Variants in DOT1L observed in about 807,000 individuals in gnomAD.
DOT1L encodes the protein histone-lysine N-methyltransferase, H3 lysine-79 specific.
In DOT1L, 33 loss-of-function variants were observed where a neutral mutation model predicts 153.3. The ratio of observed to expected loss-of-function variants is 0.22; its 90% confidence interval spans 0.16 to 0.29. The LOEUF (loss-of-function observed/expected upper bound fraction) is 0.29. Ranked by LOEUF, DOT1L falls within the 10% of genes least tolerant of loss-of-function variation. The pLI is 1.00. For missense variants in DOT1L, 1,847 were observed against 2,119.9 expected (o/e 0.87, Z 2.53); for synonymous variants, 1,135 against 965.1 (o/e 1.18, Z -3.26).
At position 2,180,636 on chromosome 19, in the gene DOT1L, C is replaced by T. The variant is rs1039678219; in HGVS notation, c.82-77C>T. On this transcript the variant is annotated intron_variant, in intron 1 of 27. Transcript: ENST00000398665. ...TGAAGAGATGGGAAGTTGACGGCAT[C>T]GCTTGTCCGGGAAGAGAGCGATGGG... 29 of 1,565,480 alleles carry T rather than the reference C, an allele frequency of 1.9e-5. No homozygotes were observed. The East Asian group carries it at 2.9e-4, about 16-fold the overall frequency.
At chr19:2,194,723 G>A (rs919369735) in intron 7 of DOT1L, 146 bp downstream of exon 7, 4 of 859,480 alleles carry the variant, frequency 4.7e-6, no homozygotes, top group Non-Finnish European at 7.0e-6. Flanking sequence ...TTCTCGTAGG[G>A]CTGCCTGGGC....
chr19:2,227,908 C>A (rs995834299), intron 27 of DOT1L: 13 of 1,201,730 alleles, frequency 1.1e-5, no homozygotes, highest in African/African-American at 1.7e-5. Flanking sequence ...CGGCCGCCCC[C>A]TCCGCCTCCG....
At position 2,220,371 on chromosome 19, in the gene DOT1L, C is replaced by A; in HGVS notation, c.2806+149C>A. On this transcript the variant is annotated intron_variant, in intron 23 of 27. Coordinates refer to ENST00000398665, the MANE Select transcript of DOT1L (RefSeq NM_032482.3). This position sits in a 1 kb window ranked among gnomAD's most constrained non-coding sequence, Gnocchi z 4.5. ...AACCGCCACGCCTCATTACTGACAC[C>A]CTTTCCTGCATCCCACGAGCTGGGA... 1.3e-6 allele frequency: 1 copy of A among 789,396 alleles called. No homozygotes were observed. Among genetic ancestry groups the A allele is most frequent in the Non-Finnish European group, 2.1e-6 (1 of 466,148 alleles). 48.9% of individuals were successfully genotyped at this position (789,396 alleles called of 1,614,324 possible).
chr19:2,169,982 C>G (rs1017108682), intron 1 of DOT1L, among the ~76,000 whole-genome samples: 4 of 152,136 alleles, frequency 2.6e-5, no homozygotes, highest in Non-Finnish European at 4.4e-5. Context: ...CATGACGAAA[C>G]CCCGTATTTA....
At chr19:2,196,152 C>T (rs111748244) in intron 7 of DOT1L, among the ~76,000 whole-genome samples, 2 of 152,358 alleles carry the variant, frequency 1.3e-5, no homozygotes, top group African/African-American at 4.8e-5. Context: ...CAGCTCAGAC[C>T]CCTCCGCACT....
chr19:2,226,739 G>C lies in DOT1L; in HGVS notation c.4218G>C (p.Leu1406=). ...GGCCCACGGACAAGACCCCACTGCTGAGCGGCAAGGCCGCCAAGGCCCGGG... is the reference window on the plus strand; with the variant it reads ...GGCCCACGGACAAGACCCCACTGCTCAGCGGCAAGGCCGCCAAGGCCCGGG... ...LCGPTDKTPL[L]SGKAAKARDR... Residue 1406 remains leucine (L), a synonymous_variant, in exon 27 of 28, where the codon CTG becomes CTC. Coordinates refer to ENST00000398665, the MANE Select transcript of DOT1L (RefSeq NM_032482.3). 1 of 1,557,544 alleles carries C rather than the reference G, an allele frequency of 6.4e-7. No individual in the cohort carries two copies. The highest frequency in any genetic ancestry group is 8.6e-7 in the Non-Finnish European group (1 of 1,158,166).
Position 2,202,685 on chromosome 19 carries a change from A to T in DOT1L, c.708-15A>T. 1.2e-6 allele frequency: 2 copies of T among 1,613,258 alleles called. No individual in the cohort carries two copies. The highest frequency in any genetic ancestry group is 1.7e-6 in the Non-Finnish European group (2 of 1,179,240). On this transcript the variant is annotated splice_polypyrimidine_tract_variant and intron_variant, in intron 8 of 27. Coordinates refer to ENST00000398665, the MANE Select transcript of DOT1L (RefSeq NM_032482.3). The stretch of plus-strand genomic sequence containing the variant: ...ACGAGCCTTCATGGCACTGAACTGG[A>T]GTATTGTTTTGCAGTGTTATATTTG...
intron 3 of DOT1L, among the ~76,000 whole-genome samples, chr19:2,188,935 C>T (rs1229704821): frequency 2.0e-5 from 3 of 152,162 alleles, no homozygotes; most frequent in African/African-American, 4.8e-5. Context: ...AGACAGTGGG[C>T]ACTCCCTGGA....
chr19:2,195,330 C>T (rs75161723), intron 7 of DOT1L, among the ~76,000 whole-genome samples: 1 of 152,130 alleles, frequency 6.6e-6, no homozygotes. Context: ...CAGAGGCCTG[C>T]AGAGCTGGGT....
In DOT1L at chr19:2,231,116, C is replaced by T; in HGVS notation, c.*1324C>T. ...GGGCCACTCCAGTGCTTCTGGAGCC[C>T]TGAGCAGTCAGGGCCTGGGTTGTCT... On this transcript the variant is annotated 3_prime_UTR_variant, in exon 28 of 28. Coordinates refer to ENST00000398665, the MANE Select transcript of DOT1L (RefSeq NM_032482.3). 4.3e-6 allele frequency: 1 copy of T among 230,138 alleles called. No individual in the cohort carries two copies. 14.3% of individuals were successfully genotyped at this position (230,138 alleles called of 1,614,324 possible).
intron 1 of DOT1L, 31 bp from the exon 2 acceptor site, chr19:2,180,682 T>G: frequency 6.2e-7 from 1 of 1,613,656 alleles, no homozygotes. Context: ...GGAGGATGGC[T>G]CTGCGTCTCA....
In DOT1L at chr19:2,191,417, C is replaced by T. The variant is rs769148491; in HGVS notation, c.493+177C>T. The T allele has an allele frequency of 6.0e-6, 4 of 668,318 alleles. No homozygotes were observed. Among genetic ancestry groups the T allele is most frequent in the Non-Finnish European group, 1.0e-5 (4 of 392,928 alleles). 41.4% of individuals were successfully genotyped at this position (668,318 alleles called of 1,614,324 possible). A position where few individuals can be genotyped will look rare whatever the true frequency, so the allele number is the denominator to read the frequency against. ...GGCCGTTCCTTTCCCCAGCCCTGAC[C>T]GGGCTCCACCCAGAGGGGAGAAATC... is the stretch of plus-strand genomic sequence containing the variant. On this transcript the variant is annotated intron_variant, in intron 5 of 27. Transcript: ENST00000398665. This position sits in a 1 kb window ranked among gnomAD's most constrained non-coding sequence, Gnocchi z 6.8.
intron 23 of DOT1L, chr19:2,221,705 G>T: frequency 2.1e-6 from 1 of 479,952 alleles, no homozygotes; most frequent in Non-Finnish European, 3.7e-6. Flanking sequence ...GCACCAGGAG[G>T]CTTCTTGGGA....
At chr19:2,227,524 G>A (rs2024403067) in intron 27 of DOT1L, 5 of 539,466 alleles carry the variant, frequency 9.3e-6, no homozygotes, top group South Asian at 6.5e-5. Context: ...GCCGCCGGGG[G>A]GAGCGGCCTG....
intron 3 of DOT1L, among the ~76,000 whole-genome samples, chr19:2,186,681 C>T (rs1407193474): frequency 6.6e-6 from 1 of 152,208 alleles, no homozygotes; most frequent in East Asian, 1.9e-4. Flanking sequence ...CTCAGTAAAC[C>T]TCGAGATCCT....
In DOT1L at chr19:2,228,167, C is replaced by A. The variant is rs747942965; in HGVS notation, c.4606+1040C>A. 2.1e-5 allele frequency: 29 copies of A among 1,364,700 alleles called. No homozygotes were observed. In the South Asian group the frequency reaches 3.3e-4, roughly 16 times the overall value. 84.5% of individuals were successfully genotyped at this position (1,364,700 alleles called of 1,614,324 possible). A position where few individuals can be genotyped will look rare whatever the true frequency, so the allele number is the denominator to read the frequency against. ...CTTTGTCTATCAAGCTCACCTCCCT[C>A]CCGCACAAGGGCGCCCGCCCCTCCT... On this transcript the variant is annotated intron_variant, in intron 27 of 27. Coordinates refer to ENST00000398665, the MANE Select transcript of DOT1L (RefSeq NM_032482.3).
At chr19:2,228,421 C>G (rs2024459564) in intron 27 of DOT1L, 2 of 1,244,338 alleles carry the variant, frequency 1.6e-6, no homozygotes, top group Non-Finnish European at 2.1e-6. Flanking sequence ...ACTCCAGACA[C>G]TGAACTGTCC....
Position 2,202,799 on chromosome 19 carries a change from G to A in DOT1L, c.787+20G>A, listed in dbSNP as rs765289318. On this transcript the variant is annotated intron_variant, in intron 9 of 27. Transcript: ENST00000398665. ...AGGAAGGTAAGGCGCCCTCCTCGCCGGTCTGTGCTGGTGTGACATGATTGA... is the reference window on the plus strand; with the variant it reads ...AGGAAGGTAAGGCGCCCTCCTCGCCAGTCTGTGCTGGTGTGACATGATTGA... 4.3e-6 allele frequency: 7 copies of A among 1,613,880 alleles called. No homozygotes were observed. The highest frequency in any genetic ancestry group is 1.1e-5 in the South Asian group (1 of 91,084).
chr19:2,199,880 T>A lies in DOT1L; in HGVS notation c.652-4T>A. 1 of 1,613,706 alleles carries A rather than the reference T, an allele frequency of 6.2e-7. No individual in the cohort carries two copies. The highest frequency in any genetic ancestry group is 8.5e-7 in the Non-Finnish European group (1 of 1,179,732). Reference sequence around the variant, plus strand: ...TCCGCGCTCACACCTGTTTTCCCTTTCAGTTGGAGAGAGGCGATTTCCTCT... The same window carrying A: ...TCCGCGCTCACACCTGTTTTCCCTTACAGTTGGAGAGAGGCGATTTCCTCT... On this transcript the variant is annotated splice_region_variant and splice_polypyrimidine_tract_variant and intron_variant, in intron 7 of 27. Transcript: ENST00000398665.
Sources: allele counts gnomAD v4.1 joint callset (sites outside exome capture counted in the v4.1 genomes callset), GRCh38; gene constraint gnomAD v4.1.1; non-coding constraint Gnocchi (gnomAD v3.1); transcripts MANE v1.5; gene names NCBI Gene and HGNC (gene_info 2026-07-23, HGNC 2026-07-21).